The following UGT2A2 variants were observed in gnomAD, a reference collection of about 807,000 sequenced individuals.
The protein encoded by UGT2A2 is UDP-glucuronosyltransferase 2A2.
In UGT2A2, 60 loss-of-function variants were observed where a neutral mutation model predicts 50.7. That is an observed-to-expected ratio of 1.18 (90% CI 0.96 to 1.47). The LOEUF (loss-of-function observed/expected upper bound fraction) is 1.47. Ranked by LOEUF, UGT2A2 falls within the 40% of genes most tolerant of loss-of-function variation. The pLI, the probability that UGT2A2 is intolerant of heterozygous loss-of-function variation, is 0.00. For synonymous variants in UGT2A2, 242 were observed against 214.6 expected, an observed-to-expected ratio of 1.13 and a Z score of -1.11; for missense variants, 762 against 634.0, an observed-to-expected ratio of 1.20 and a Z score of -2.17.
At chr4:69,602,014 CAAATT>C (rs1268798752) in intron 1 of UGT2A2, among the ~76,000 whole-genome samples, 1 of 136,120 alleles carries the variant, frequency 7.3e-6, no homozygotes, top group Non-Finnish European at 1.6e-5. Flanking sequence ...AAATAGAAAT[CAAATT>C]AAAAGTCAAT....
chr4:69,631,597 C>T (rs545477240), intron 1 of UGT2A2, among the ~76,000 whole-genome samples: 5 of 152,058 alleles, frequency 3.3e-5, no homozygotes, highest in Admixed American at 1.3e-4. Context: ...AGATGAGAAG[C>T]CATAACTTCA....
chr4:69,608,592 G>A (rs6832167), intron 1 of UGT2A2, among the ~76,000 whole-genome samples: 119,298 of 151,884 alleles, frequency 0.79, 46,971 homozygotes, highest in South Asian at 0.85. Flanking sequence ...AAGAAAATAG[G>A]TAGGCTGAGA....
chr4:69,590,311 C>A (rs1718514797), intron 5 of UGT2A2, among the ~76,000 whole-genome samples: 1 of 152,178 alleles, frequency 6.6e-6, no homozygotes, highest in Non-Finnish European at 1.5e-5. Flanking sequence ...AACTTGCCAT[C>A]ACAATAGAGA....
intron 1 of UGT2A2, among the ~76,000 whole-genome samples, chr4:69,609,128 G>A (rs909502128): frequency 2.7e-5 from 4 of 150,300 alleles, no homozygotes; most frequent in African/African-American, 9.8e-5. Flanking sequence ...ATATAAAACT[G>A]GCTCAGGCTC....
chr4:69,595,661 G>T (rs956269362), intron 3 of UGT2A2, among the ~76,000 whole-genome samples: 1 of 152,094 alleles, frequency 6.6e-6, no homozygotes, highest in East Asian at 1.9e-4. Flanking sequence ...ATGCAAAATT[G>T]TAGAGATAAA....
chr4:69,632,960 T>C (rs1721470146), intron 1 of UGT2A2, among the ~76,000 whole-genome samples: 1 of 151,982 alleles, frequency 6.6e-6, no homozygotes, highest in Non-Finnish European at 1.5e-5. Context: ...GCACTAGAGA[T>C]TCTTGATGGC....
intron 5 of UGT2A2, among the ~76,000 whole-genome samples, chr4:69,592,233 T>C (rs576067880): frequency 6.6e-6 from 1 of 152,262 alleles, no homozygotes; most frequent in African/African-American, 2.4e-5. Flanking sequence ...GAAAAGTGAA[T>C]GAAATATTAA....
rs1431750424 is a variant in UGT2A2, at chr4:69,606,191, C to T, written c.743-6797G>A. Among the ~76,000 whole-genome samples the T allele has an allele frequency of 1.5e-5, 2 of 135,964 alleles. 1 individual carries two copies. The highest frequency in any genetic ancestry group is 3.1e-5 in the Non-Finnish European group (2 of 64,080). 89.2% of individuals were successfully genotyped at this position (135,964 alleles called of 152,430 possible). On this transcript the variant is annotated intron_variant, in intron 1 of 5. Coordinates refer to ENST00000604629, the MANE Select transcript of UGT2A2 (RefSeq NM_001105677.2). ...AATCCTCAATAAAATACTGGCAAAC[C>T]AAATCCAGCGGCACATCAAAAAGCT...
intron 5 of UGT2A2, among the ~76,000 whole-genome samples, chr4:69,593,309 G>A (rs192961586): frequency 9.3e-4 from 133 of 143,214 alleles, no homozygotes; most frequent in African/African-American, 3.4e-3. Context: ...CAGAGTAAAT[G>A]TGAGAAAAAA....
chr4:69,623,534 A>G (rs114402035), intron 1 of UGT2A2, among the ~76,000 whole-genome samples: 8,583 of 151,542 alleles, frequency 0.057, 573 homozygotes, highest in African/African-American at 0.16. Context: ...GTTTATATAA[A>G]TATTTTTAAA....
At chr4:69,626,452 T>G (rs1377273204) in intron 1 of UGT2A2, among the ~76,000 whole-genome samples, 2 of 151,708 alleles carry the variant, frequency 1.3e-5, no homozygotes, top group African/African-American at 4.8e-5. Flanking sequence ...TTTTATGACC[T>G]GTTTCAGTAT....
intron 3 of UGT2A2, among the ~76,000 whole-genome samples, chr4:69,595,865 A>C (rs1718892196): frequency 6.6e-6 from 1 of 152,160 alleles, no homozygotes; most frequent in South Asian, 2.1e-4. Flanking sequence ...TTTTAGCATA[A>C]TTTCTCCCTG....
intron 1 of UGT2A2, among the ~76,000 whole-genome samples, chr4:69,612,005 C>T (rs867649744): frequency 1.3e-5 from 2 of 151,936 alleles, no homozygotes; most frequent in South Asian, 4.2e-4. Flanking sequence ...AAAATATATT[C>T]TCTCAGAATT....
intron 1 of UGT2A2, among the ~76,000 whole-genome samples, chr4:69,615,132 T>A (rs764558287): frequency 5.9e-5 from 9 of 152,028 alleles, no homozygotes; most frequent in Non-Finnish European, 1.3e-4. Context: ...AACATGAGAT[T>A]TGGATGAGGA....
chr4:69,619,544 T>C (rs947271194), intron 1 of UGT2A2, among the ~76,000 whole-genome samples: 3 of 151,974 alleles, frequency 2.0e-5, no homozygotes, highest in African/African-American at 7.2e-5. Flanking sequence ...AAAATAATGA[T>C]ATACCCAGAA....
At chr4:69,618,047 C>A (rs1303032442) in intron 1 of UGT2A2, among the ~76,000 whole-genome samples, 1 of 151,802 alleles carries the variant, frequency 6.6e-6, no homozygotes, top group Non-Finnish European at 1.5e-5. Flanking sequence ...TGTTTGACAT[C>A]ATTTAATTAT....
At chr4:69,613,016 T>A (rs898606218) in intron 1 of UGT2A2, among the ~76,000 whole-genome samples, 1 of 148,240 alleles carries the variant, frequency 6.7e-6, no homozygotes, top group Non-Finnish European at 1.5e-5. Flanking sequence ...ATATGAAAAA[T>A]TTAAACAGGT....
rs758986863 is a variant in UGT2A2, at chr4:69,601,309, G to A, written c.743-1915C>T. Among the ~76,000 whole-genome samples, 7 of 152,096 alleles carry A rather than the reference G, an allele frequency of 4.6e-5. No individual in the cohort carries two copies. In the East Asian group the frequency reaches 9.6e-4, roughly 21 times the overall value. On this transcript the variant is annotated intron_variant, in intron 1 of 5. Coordinates refer to ENST00000604629, the MANE Select transcript of UGT2A2 (RefSeq NM_001105677.2). ...GCACAGACTTGACTGACCCAGCCTC[G>A]TGTTCTTGCTCCTGCACCTGCCCTG...
At chr4:69,631,821 T>C (rs1377073798) in intron 1 of UGT2A2, among the ~76,000 whole-genome samples, 1 of 152,092 alleles carries the variant, frequency 6.6e-6, no homozygotes, top group African/African-American at 2.4e-5. Flanking sequence ...GAAATCACAA[T>C]TGAGCTAAAA....
Sources: allele counts gnomAD v4.1 joint callset (sites outside exome capture counted in the v4.1 genomes callset), GRCh38; gene constraint gnomAD v4.1.1; transcripts MANE v1.5; gene names NCBI Gene and HGNC (gene_info 2026-07-23, HGNC 2026-07-21).